The following ADAMTS2 variants were observed in gnomAD, a reference collection of about 807,000 sequenced individuals.
The protein encoded by ADAMTS2 is ADAM metallopeptidase with thrombospondin type 1 motif 2.
Under a neutral mutation model 123.0 loss-of-function variants are expected in ADAMTS2, and 50 were observed. That is an observed-to-expected ratio of 0.41 (90% confidence interval 0.32 to 0.51). The LOEUF (loss-of-function observed/expected upper bound fraction) is 0.51. Among genes scored for constraint, ADAMTS2 ranks in the 20% least tolerant of loss-of-function variants. The pLI is 0.35. For missense variants in ADAMTS2, 1,494 were observed against 1,705.2 expected, an observed-to-expected ratio of 0.88 and a Z score of 2.18; for synonymous variants, 678 against 695.4, an observed-to-expected ratio of 0.98 and a Z score of 0.39.
rs1554128903 is a variant in ADAMTS2, at chr5:179,189,510, G to GCTTTTTTTTTTT, written c.892-8356_892-8355insAAAAAAAAAAAG. On this transcript the variant is annotated intron_variant, in intron 4 of 21. Coordinates refer to ENST00000251582, the MANE Select transcript of ADAMTS2 (RefSeq NM_014244.5). The surrounding 1 kb of genome is among the most constrained non-coding windows in gnomAD (Gnocchi z 4.2). ...CTACAGGCGCCCGCCAGTGCGCCTG[G>GCTTTTTTTTTTT]TTTTTTTTTTTTTTTTTTTTTTTTT... Among the ~76,000 whole-genome samples, 83 of 78,954 alleles carry GCTTTTTTTTTTT rather than the reference G, an allele frequency of 1.1e-3. 24 individuals are homozygous for GCTTTTTTTTTTT. The highest frequency in any genetic ancestry group is 2.1e-3 in the Admixed American group (12 of 5,808). 51.8% of individuals were successfully genotyped at this position (78,954 alleles called of 152,430 possible).
chr5:179,133,009 T>C, intron 13 of ADAMTS2, 109 bp from the exon 14 acceptor site: 1 of 1,450,168 alleles, frequency 6.9e-7, no homozygotes, highest in Non-Finnish European at 9.4e-7. Flanking sequence ...TCCTCCTGCC[T>C]TGGCCTCCCA....
rs56964454 is a variant in ADAMTS2 at position 179,326,490 on chromosome 5, G to GCC, written c.534+17275_534+17276dup. Among the ~76,000 whole-genome samples, 13 of 109,796 alleles carry GCC rather than the reference G, an allele frequency of 1.2e-4. 1 individual carries two copies. In the East Asian group the frequency reaches 1.4e-3, roughly 12 times the overall value. The allele number at this position is 109,796 out of a possible 152,430, so 72.0% of individuals were successfully genotyped here. On this transcript the variant is annotated intron_variant, in intron 2 of 21. Coordinates refer to ENST00000251582, the MANE Select transcript of ADAMTS2 (RefSeq NM_014244.5). ...CGGCCTGTGCCCCGCCCCCGGCCCC[G>GCC]CCCCCCACTCCCATGCCCGCCCAAG...
In ADAMTS2 at chr5:179,185,994, C is replaced by T. The variant is rs897847955; in HGVS notation, c.892-4839G>A. On this transcript the variant is annotated intron_variant, in intron 4 of 21. Transcript: ENST00000251582. The surrounding 1 kb of genome is among the most constrained non-coding windows in gnomAD (Gnocchi z 5.9). The stretch of plus-strand genomic sequence containing the variant: ...GTAGCCTTCAACTGTGGTGCGCTCT[C>T]CCTGATCCTCTCCCCAGGAAACCTC... Among the ~76,000 whole-genome samples the T allele has an allele frequency of 2.0e-5, 3 of 152,210 alleles. No homozygotes were observed. The highest frequency in any genetic ancestry group is 7.2e-5 in the African/African-American group (3 of 41,540).
In ADAMTS2 at chr5:179,239,905, G is replaced by A. The variant is rs549880555; in HGVS notation, c.689-32190C>T. 5.3e-5 allele frequency among the ~76,000 whole-genome samples: 8 copies of A among 152,306 alleles called. No homozygotes were observed. In the East Asian group the frequency reaches 7.7e-4, roughly 15 times the overall value. On this transcript the variant is annotated intron_variant, in intron 3 of 21. Coordinates refer to ENST00000251582, the MANE Select transcript of ADAMTS2 (RefSeq NM_014244.5). ...TAGCCTGCCACGTGCTAGGGATGGC[G>A]ACTGAGGATTGGCAGGGAGATGCAG...
chr5:179,171,797 G>A (rs1398067967), intron 5 of ADAMTS2, among the ~76,000 whole-genome samples: 1 of 152,150 alleles, frequency 6.6e-6, no homozygotes, highest in African/African-American at 2.4e-5. Context: ...CCAGAATGCT[G>A]GAATGTTCCA....
intron 2 of ADAMTS2, among the ~76,000 whole-genome samples, chr5:179,292,781 C>T (rs1756224355): frequency 6.6e-6 from 1 of 152,180 alleles, no homozygotes; most frequent in Non-Finnish European, 1.5e-5. Flanking sequence ...TCCAAGCTCC[C>T]ACCCCACCCT....
chr5:179,280,797 CAACCA>C (rs1766876547), intron 2 of ADAMTS2, among the ~76,000 whole-genome samples: 1 of 152,226 alleles, frequency 6.6e-6, no homozygotes, highest in African/African-American at 2.4e-5. Flanking sequence ...CCCCTCGACT[CAACCA>C]GAGAGTTTAA....
At chr5:179,336,290 C>T (rs1757609839) in intron 2 of ADAMTS2, among the ~76,000 whole-genome samples, 1 of 152,222 alleles carries the variant, frequency 6.6e-6, no homozygotes, top group South Asian at 2.1e-4. Flanking sequence ...AGTTAGGGTG[C>T]ACGCAGAAAG....
intron 21 of ADAMTS2, chr5:179,121,034 C>T (rs1429304038): frequency 6.6e-6 from 1 of 152,288 alleles, no homozygotes; most frequent in African/African-American, 2.4e-5. Context: ...CTCTCTCAGC[C>T]CTGCGGCGGG....
Position 179,308,185 on chromosome 5 carries a change from A to G in ADAMTS2, c.535-35121T>C, listed in dbSNP as rs140706229. Among the ~76,000 whole-genome samples the G allele has an allele frequency of 2.0e-5, 3 of 152,220 alleles. No individual in the cohort carries two copies. The East Asian group carries it at 5.8e-4, about 29-fold the overall frequency. ...TTTAAGTGGAGGATCCGGTGCTCTG[A>G]TTTCTCCCCAGTTAGTAAAGCATTC... On this transcript the variant is annotated intron_variant, in intron 2 of 21. Coordinates refer to ENST00000251582, the MANE Select transcript of ADAMTS2 (RefSeq NM_014244.5). This position sits in a 1 kb window ranked among gnomAD's most constrained non-coding sequence, Gnocchi z 6.6.
rs1763921022 is a variant in ADAMTS2 at position 179,175,929 on chromosome 5, T to C, written c.975+5143A>G. Among the ~76,000 whole-genome samples, 2 of 151,590 alleles carry C rather than the reference T, an allele frequency of 1.3e-5. No homozygotes were observed. The highest frequency in any genetic ancestry group is 4.2e-4 in the South Asian group (2 of 4,772). ...CAAGAAGCTTCCGTGGAGAAAGTTT[T>C]CAGAGACCACCTGTACTGCTCGGAC... On this transcript the variant is annotated intron_variant, in intron 5 of 21. Transcript: ENST00000251582. This position sits in a 1 kb window ranked among gnomAD's most constrained non-coding sequence, Gnocchi z 4.1.
At chr5:179,184,367 C>T (rs2113319528) in intron 4 of ADAMTS2, among the ~76,000 whole-genome samples, 3 of 152,154 alleles carry the variant, frequency 2.0e-5, no homozygotes, top group Middle Eastern at 3.4e-3. Context: ...CAAAATTAGC[C>T]AGGCATGGTG....
chr5:179,217,334 T>G (rs1409684387), intron 3 of ADAMTS2, among the ~76,000 whole-genome samples: 1 of 152,228 alleles, frequency 6.6e-6, no homozygotes, highest in Non-Finnish European at 1.5e-5. Context: ...AACACTCATG[T>G]TGCAAAAATG....
chr5:179,273,605 A>G (rs183930252), intron 2 of ADAMTS2, among the ~76,000 whole-genome samples: 3 of 152,294 alleles, frequency 2.0e-5, no homozygotes, highest in Non-Finnish European at 2.9e-5. Context: ...TGTCTTGAAC[A>G]TGGAATCCCA....
At chr5:179,249,857 T>C (rs1444902012) in intron 3 of ADAMTS2, among the ~76,000 whole-genome samples, 1 of 152,154 alleles carries the variant, frequency 6.6e-6, no homozygotes, top group Non-Finnish European at 1.5e-5. Flanking sequence ...AGGCCAGCAT[T>C]ACCCTGATAC....
rs889856048 is a variant in ADAMTS2 at position 179,132,847 on chromosome 5, G to A, written c.2139C>T (p.Gly713=). The change falls in exon 14 of 22, where the codon GGC becomes GGT. Residue 713 remains glycine (G), a synonymous_variant. Transcript: ENST00000251582. This position sits in a 1 kb window ranked among gnomAD's most constrained non-coding sequence, Gnocchi z 6.1. The stretch of plus-strand genomic sequence containing the variant: ...AGTGGCTGTTGTCCCCTCCGCACAC[G>A]CCACACTTGTCTTCCTGCTTGCTGG... ...IGSSKQEDKC[G]VCGGDNSHCK... is the part of the protein sequence containing the mutation. 5.6e-6 allele frequency: 9 copies of A among 1,613,908 alleles called. No homozygotes were observed. The highest frequency in any genetic ancestry group is 2.2e-5 in the East Asian group (1 of 44,884).
Position 179,345,258 on chromosome 5 carries a change from G to GGCAGCAGCGGCAGGAGCGGCGGCGGCA in ADAMTS2, c.70_71insTGCCGCCGCCGCTCCTGCCGCTGCTGC (p.Leu23_Pro24insLeuProProProLeuLeuProLeuLeu). ...CGGCGGCGGCGGCAGGAGCGGCGGC[G>GGCAGCAGCGGCAGGAGCGGCGGCGGCA]GCAGCAGCAGCAGCAGCAGCAGCAG... is the stretch of plus-strand genomic sequence containing the variant. On this transcript the variant is annotated inframe_insertion, in exon 1 of 22. Transcript: ENST00000251582. This position sits in a 1 kb window ranked among gnomAD's most constrained non-coding sequence, Gnocchi z 7.5. 8.8e-7 allele frequency: 1 copy of GGCAGCAGCGGCAGGAGCGGCGGCGGCA among 1,136,326 alleles called. No homozygotes were observed. Among genetic ancestry groups the GGCAGCAGCGGCAGGAGCGGCGGCGGCA allele is most frequent in the Admixed American group, 4.9e-5 (1 of 20,414 alleles). 70.4% of individuals were successfully genotyped at this position (1,136,326 alleles called of 1,614,324 possible).
chr5:179,309,617 G>C (rs1042162034), intron 2 of ADAMTS2, among the ~76,000 whole-genome samples: 1 of 152,056 alleles, frequency 6.6e-6, no homozygotes, highest in African/African-American at 2.4e-5. Context: ...AAATAGCCAC[G>C]CATGGTGGCA....
Position 179,113,811 on chromosome 5 carries a change from A to C in ADAMTS2, c.*56T>G, listed in dbSNP as rs1248422314. ...TCCATGACACAGGATTTGCTATCCC[A>C]TGGAATATCTCTATAAGCAAGAAAA... On this transcript the variant is annotated 3_prime_UTR_variant, in exon 22 of 22. Transcript: ENST00000251582. 6.4e-7 allele frequency: 1 copy of C among 1,552,050 alleles called. No individual in the cohort carries two copies. Among genetic ancestry groups the C allele is most frequent in the Admixed American group, 1.7e-5 (1 of 59,888 alleles).
Sources: gnomAD v4.1 joint callset for allele counts (sites outside exome capture counted in the v4.1 genomes callset) on GRCh38, gnomAD v4.1.1 for gene constraint, Gnocchi (gnomAD v3.1) non-coding constraint, MANE v1.5 for transcripts, NCBI Gene and HGNC (gene_info 2026-07-23, HGNC 2026-07-21) for gene names.